The following SSPN variants were observed in gnomAD, a reference collection of about 807,000 sequenced individuals.
SSPN encodes the protein sarcospan, also known as K-ras oncogene-associated protein.
In SSPN, 15 loss-of-function variants were observed where a neutral mutation model predicts 19.1. The ratio of observed to expected loss-of-function variants is 0.78; its 90% CI spans 0.52 to 1.21. SSPN has a LOEUF of 1.21. Ranked by LOEUF, SSPN falls within the 50% of genes most tolerant of loss-of-function variation. SSPN has a pLI of 0.00. For synonymous variants in SSPN, 147 were observed against 140.3 expected (o/e 1.05, Z -0.34); for missense variants, 291 against 314.0 (o/e 0.93, Z 0.55).
intron 1 of SSPN, among the ~76,000 whole-genome samples, chr12:26,171,633 T>G (rs1472360470): frequency 1.3e-5 from 2 of 152,146 alleles, no homozygotes; most frequent in African/African-American, 4.8e-5. Context: ...TATTTTTTTT[T>G]TTGTCAAAGA....
chr12:26,142,239 GA>G (rs1329917405), intron 1 of SSPN, among the ~76,000 whole-genome samples: 3 of 152,178 alleles, frequency 2.0e-5, no homozygotes, highest in Admixed American at 1.3e-4. Context: ...TTGCATCGTA[GA>G]AAATGTATTC....
intron 1 of SSPN, among the ~76,000 whole-genome samples, chr12:26,187,340 A>G (rs1282432517): frequency 6.6e-6 from 1 of 152,212 alleles, no homozygotes; most frequent in Non-Finnish European, 1.5e-5. Context: ...TGTCCAATAC[A>G]CCATGTGTGA....
chr12:26,176,281 A>G (rs1944683405), intron 1 of SSPN, among the ~76,000 whole-genome samples: 1 of 152,180 alleles, frequency 6.6e-6, no homozygotes, highest in African/African-American at 2.4e-5. Context: ...CTATCTTTCA[A>G]CCTTTTATAG....
intron 1 of SSPN, among the ~76,000 whole-genome samples, chr12:26,207,524 C>G (rs1332684010): frequency 6.6e-6 from 1 of 152,138 alleles, no homozygotes; most frequent in Non-Finnish European, 1.5e-5. Flanking sequence ...ATTTTTTATG[C>G]ATAAGCCTGT....
intron 1 of SSPN, among the ~76,000 whole-genome samples, chr12:26,210,177 T>C (rs1260732523): frequency 6.6e-6 from 1 of 151,894 alleles, no homozygotes; most frequent in Non-Finnish European, 1.5e-5. Flanking sequence ...CTATATTTCC[T>C]CCACACCCAC....
intron 2 of SSPN, among the ~76,000 whole-genome samples, chr12:26,224,854 T>G (rs975835397): frequency 6.6e-6 from 1 of 152,126 alleles, no homozygotes; most frequent in African/African-American, 2.4e-5. Context: ...GGACGGGTGA[T>G]GGGATATGCG....
chr12:26,148,068 T>A (rs1033649880), intron 1 of SSPN, among the ~76,000 whole-genome samples: 6 of 152,198 alleles, frequency 3.9e-5, no homozygotes, highest in Non-Finnish European at 8.8e-5. Flanking sequence ...AGTCTGGAAT[T>A]CTGTTTTATA....
intron 2 of SSPN, among the ~76,000 whole-genome samples, chr12:26,228,385 A>AG (rs1644192046): frequency 6.6e-6 from 1 of 151,992 alleles, no homozygotes; most frequent in Admixed American, 6.6e-5. Context: ...AAAAAAAAAA[A>AG]AAAGAAATTG....
intron 1 of SSPN, among the ~76,000 whole-genome samples, chr12:26,141,402 A>G (rs1020724029): frequency 2.0e-5 from 3 of 152,346 alleles, no homozygotes; most frequent in Admixed American, 2.0e-4. Context: ...AGTTTAGCCC[A>G]ATGAGAACCA....
chr12:26,124,378 T>C, intron 1 of SSPN: 1 of 940,926 alleles, frequency 1.1e-6, no homozygotes, highest in Non-Finnish European at 1.7e-6. Flanking sequence ...CCCCTGAGAG[T>C]ACCCAGCAAG....
chr12:26,184,838 T>C (rs1429220463), intron 1 of SSPN, among the ~76,000 whole-genome samples: 1 of 152,112 alleles, frequency 6.6e-6, no homozygotes, highest in Non-Finnish European at 1.5e-5. Flanking sequence ...CATAATGTAA[T>C]ATGCTCATGA....
intron 1 of SSPN, among the ~76,000 whole-genome samples, chr12:26,169,463 T>C (rs1249813613): frequency 1.3e-4 from 20 of 152,192 alleles, no homozygotes; most frequent in Admixed American, 1.2e-3. Context: ...TAGCCTCTGA[T>C]ATCAAAATAG....
chr12:26,228,690 A>G (rs1945201826), intron 2 of SSPN, among the ~76,000 whole-genome samples: 1 of 152,130 alleles, frequency 6.6e-6, no homozygotes, highest in Admixed American at 6.5e-5. Flanking sequence ...TGGTCAAGAC[A>G]GTTTAATTTG....
intron 1 of SSPN, among the ~76,000 whole-genome samples, chr12:26,182,096 G>A (rs1048711315): frequency 2.6e-5 from 4 of 152,216 alleles, no homozygotes; most frequent in African/African-American, 9.7e-5. Flanking sequence ...AGGATCAGAA[G>A]AGTTTAGAAC....
At chr12:26,200,620 G>C (rs1944868677) in intron 1 of SSPN, among the ~76,000 whole-genome samples, 1 of 152,148 alleles carries the variant, frequency 6.6e-6, no homozygotes, top group African/African-American at 2.4e-5. Flanking sequence ...GAAAGGTTTG[G>C]CATTAGGGTA....
intron 1 of SSPN, among the ~76,000 whole-genome samples, chr12:26,206,361 A>T (rs12311177): frequency 0.078 from 11,883 of 152,238 alleles, 486 homozygotes; most frequent in Middle Eastern, 0.11. Flanking sequence ...ACTTGATAAT[A>T]TTTTTAAAGG....
At chr12:26,171,087 G>T (rs1307882319) in intron 1 of SSPN, among the ~76,000 whole-genome samples, 4 of 152,156 alleles carry the variant, frequency 2.6e-5, no homozygotes, top group African/African-American at 9.7e-5. Flanking sequence ...AGGGTTCTTT[G>T]CCTCCCTCTG....
intron 1 of SSPN, among the ~76,000 whole-genome samples, chr12:26,201,021 A>ATATATATATAT (rs1439326517): frequency 1.6e-4 from 7 of 43,746 alleles, no homozygotes; most frequent in Admixed American, 5.4e-4. Context: ...GTATATATAT[A>ATATATATATAT]TATATATATA....
chr12:26,225,386 A>T (rs1176781076), intron 2 of SSPN, among the ~76,000 whole-genome samples: 2 of 152,184 alleles, frequency 1.3e-5, no homozygotes. Context: ...TTACATTATA[A>T]TAACTAATTT....
Sources: gnomAD v4.1 joint callset for allele counts (sites outside exome capture counted in the v4.1 genomes callset) on GRCh38, gnomAD v4.1.1 for gene constraint, MANE v1.5 for transcripts, NCBI Gene and HGNC (gene_info 2026-07-23, HGNC 2026-07-21) for gene names.